Variants in PARD3B observed in about 807,000 individuals in gnomAD.
PARD3B encodes partitioning defective 3 homolog B.
A neutral mutation model predicts 130.2 loss-of-function variants in PARD3B; 103 were observed. The observed-to-expected ratio is 0.79, with a 90% CI of 0.67 to 0.93. The LOEUF is 0.93. Ranked by LOEUF, PARD3B falls within the 40% of genes least tolerant of loss-of-function variation. PARD3B has a pLI of 0.00. For synonymous variants in PARD3B, 583 were observed against 553.2 expected (o/e 1.05, Z -0.76); for missense variants, 1,609 against 1,499.2 (o/e 1.07, Z -1.21).
chr2:204,891,578 A>C (rs1405002010), intron 2 of PARD3B, among the ~76,000 whole-genome samples: 1 of 152,136 alleles, frequency 6.6e-6, no homozygotes, highest in African/African-American at 2.4e-5. Context: ...TTTTCACTGG[A>C]GAGATTCTAA....
chr2:205,363,993 C>A (rs1008991823), intron 18 of PARD3B, among the ~76,000 whole-genome samples: 7 of 151,812 alleles, frequency 4.6e-5, no homozygotes, highest in African/African-American at 1.7e-4. Context: ...CTCCCATCTC[C>A]CATGTGTAGT....
intron 12 of PARD3B, among the ~76,000 whole-genome samples, chr2:205,174,750 A>G (rs1363932238): frequency 6.6e-6 from 1 of 152,254 alleles, no homozygotes; most frequent in Non-Finnish European, 1.5e-5. Context: ...TGAAGAAGCT[A>G]CTTAAGAAAA....
rs569927533 is a variant in PARD3B at position 205,283,089 on chromosome 2, T to C, written c.2186-17441T>C. Reference sequence around the variant, plus strand: ...ACCCAGAGTAAGAAAGTGTATAAACTCTATTCAGCAAATGGCTGCTCCGCT... The same window carrying C: ...ACCCAGAGTAAGAAAGTGTATAAACCCTATTCAGCAAATGGCTGCTCCGCT... On this transcript the variant is annotated intron_variant, in intron 16 of 22. Transcript: ENST00000406610. Among the ~76,000 whole-genome samples the C allele has an allele frequency of 4.6e-5, 7 of 152,322 alleles. No individual in the cohort carries two copies. The South Asian group carries it at 1.0e-3, about 23-fold the overall frequency.
intron 6 of PARD3B, among the ~76,000 whole-genome samples, chr2:205,117,245 G>T (rs1279390043): frequency 6.6e-6 from 1 of 152,112 alleles, no homozygotes; most frequent in African/African-American, 2.4e-5. Context: ...TGTGTTTCAA[G>T]ATTAAAGTAA....
intron 20 of PARD3B, among the ~76,000 whole-genome samples, chr2:205,448,188 T>G (rs543333571): frequency 6.6e-6 from 1 of 152,174 alleles, no homozygotes; most frequent in Non-Finnish European, 1.5e-5. Flanking sequence ...TGGCAGCCAT[T>G]TGGGGAATGT....
intron 18 of PARD3B, among the ~76,000 whole-genome samples, chr2:205,378,003 T>C (rs933218604): frequency 1.2e-4 from 18 of 152,104 alleles, no homozygotes; most frequent in South Asian, 4.1e-4. Context: ...ACTCCTGACC[T>C]CAGGTGATCC....
At chr2:204,911,717 G>A (rs919982723) in intron 2 of PARD3B, among the ~76,000 whole-genome samples, 4 of 152,164 alleles carry the variant, frequency 2.6e-5, no homozygotes, top group African/African-American at 9.7e-5. Context: ...GTTGAGAACA[G>A]GGCATCTGCC....
intron 19 of PARD3B, among the ~76,000 whole-genome samples, chr2:205,408,471 G>C (rs2046484009): frequency 6.6e-6 from 1 of 151,992 alleles, no homozygotes; most frequent in African/African-American, 2.4e-5. Context: ...TGTTCATATT[G>C]AAAAATGAAG....
chr2:204,686,538 A>C (rs531004772), intron 2 of PARD3B, among the ~76,000 whole-genome samples: 1 of 152,168 alleles, frequency 6.6e-6, no homozygotes, highest in East Asian at 1.9e-4. Context: ...GTCTTAATAA[A>C]TTAGTTTCAT....
At chr2:205,209,819 A>T (rs1284727115) in intron 15 of PARD3B, among the ~76,000 whole-genome samples, 3 of 152,024 alleles carry the variant, frequency 2.0e-5, no homozygotes, top group Non-Finnish European at 4.4e-5. Flanking sequence ...ATTAGAATGA[A>T]TGAATAAGGC....
At chr2:204,831,697 C>CTTG (rs999925839) in intron 2 of PARD3B, among the ~76,000 whole-genome samples, 21 of 134,718 alleles carry the variant, frequency 1.6e-4, no homozygotes, top group African/African-American at 6.5e-4. Context: ...CAAAACCCTT[C>CTTG]TCGTAGTTGT....
In PARD3B at chr2:205,010,845, T is replaced by G. The variant is rs566600986; in HGVS notation, c.395-36736T>G. ...ATATTTTCAGTGTGGTTATATATGA[T>G]ATTTTACCTTTGTCTTCAATATTTA... On this transcript the variant is annotated intron_variant, in intron 3 of 22. Coordinates refer to ENST00000406610, the MANE Select transcript of PARD3B (RefSeq NM_001302769.2). Among the ~76,000 whole-genome samples, 22 of 152,362 alleles carry G rather than the reference T, an allele frequency of 1.4e-4. No individual in the cohort carries two copies. In the South Asian group the frequency reaches 3.7e-3, roughly 26 times the overall value.
chr2:204,877,233 A>G (rs1295690933), intron 2 of PARD3B, among the ~76,000 whole-genome samples: 2 of 151,902 alleles, frequency 1.3e-5, no homozygotes, highest in African/African-American at 2.4e-5. Context: ...AACATCACAC[A>G]CCAGGGCCTG....
chr2:204,730,386 A>G (rs555724528), intron 2 of PARD3B, among the ~76,000 whole-genome samples: 67 of 152,166 alleles, frequency 4.4e-4, no homozygotes, highest in African/African-American at 1.5e-3. Flanking sequence ...GTTAATTTCT[A>G]TAGCATAATT....
At chr2:204,969,994 GT>G (rs1217740378) in intron 3 of PARD3B, among the ~76,000 whole-genome samples, 3 of 151,786 alleles carry the variant, frequency 2.0e-5, no homozygotes, top group Non-Finnish European at 4.4e-5. Context: ...TAGATGTGGG[GT>G]TTTTTTTAAT....
rs553302795 is a variant in PARD3B, at chr2:205,207,943, G to C, written c.2140+14623G>C. Among the ~76,000 whole-genome samples, 10 of 114,972 alleles carry C rather than the reference G, an allele frequency of 8.7e-5. No homozygotes were observed. In the South Asian group the frequency reaches 2.4e-3, roughly 28 times the overall value. The allele number at this position is 114,972 out of a possible 152,430, so 75.4% of individuals were successfully genotyped here. A position where few individuals can be genotyped will look rare whatever the true frequency, so the allele number is the denominator to read the frequency against. ...AAGAGAATTTTAGACCAATATCCTTGATAAACATTGATGCAAAAATCCTCA... is the reference window on the plus strand; with the variant it reads ...AAGAGAATTTTAGACCAATATCCTTCATAAACATTGATGCAAAAATCCTCA... On this transcript the variant is annotated intron_variant, in intron 15 of 22. Coordinates refer to ENST00000406610, the MANE Select transcript of PARD3B (RefSeq NM_001302769.2).
At chr2:204,667,848 A>T (rs2036096669) in intron 1 of PARD3B, among the ~76,000 whole-genome samples, 2 of 152,220 alleles carry the variant, frequency 1.3e-5, no homozygotes, top group South Asian at 4.1e-4. Context: ...AGGGTTTGTT[A>T]ACAAGCCATA....
intron 11 of PARD3B, among the ~76,000 whole-genome samples, chr2:205,171,693 T>C (rs2035181359): frequency 6.6e-6 from 1 of 152,196 alleles, no homozygotes; most frequent in Non-Finnish European, 1.5e-5. Context: ...TTAGACAAAA[T>C]TATGTGGTTG....
intron 3 of PARD3B, among the ~76,000 whole-genome samples, chr2:205,045,193 A>G (rs923682327): frequency 6.6e-6 from 1 of 150,662 alleles, no homozygotes; most frequent in Non-Finnish European, 1.5e-5. Context: ...ACACTATAAT[A>G]CTATGGCATA....
Sources: gnomAD v4.1 joint callset for allele counts (sites outside exome capture counted in the v4.1 genomes callset) on GRCh38, gnomAD v4.1.1 for gene constraint, MANE v1.5 for transcripts, NCBI Gene and HGNC (gene_info 2026-07-23, HGNC 2026-07-21) for gene names.